Variants in CDKL4 observed in about 807,000 individuals in gnomAD.
The protein encoded by CDKL4 is cyclin dependent kinase like 4.
Under a neutral mutation model 42.0 loss-of-function variants are expected in CDKL4, and 44 were observed. The observed-to-expected ratio is 1.05, with a 90% CI of 0.82 to 1.35. The LOEUF (loss-of-function observed/expected upper bound fraction) is 1.35, where lower values mean the gene tolerates loss of function less well. CDKL4 is among the 40% of genes most tolerant of loss of function. CDKL4 has a pLI of 0.00. For synonymous variants in CDKL4, 120 were observed against 121.6 expected (o/e 0.99, Z 0.09); for missense variants, 393 against 369.9 (o/e 1.06, Z -0.51).
chr2:39,186,916 C>A (rs1675861761), intron 7 of CDKL4, among the ~76,000 whole-genome samples: 1 of 152,058 alleles, frequency 6.6e-6, no homozygotes, highest in South Asian at 2.1e-4. Context: ...ATAGATAAGA[C>A]AAGTAAACAT....
At chr2:39,176,826 G>T (rs76718362) in intron 9 of CDKL4, among the ~76,000 whole-genome samples, 1 of 152,132 alleles carries the variant, frequency 6.6e-6, no homozygotes, top group Non-Finnish European at 1.5e-5. Context: ...TAAGGAAACC[G>T]CAATGAATGA....
chr2:39,236,123 T>TA (rs1351730684), intron 1 of CDKL4, among the ~76,000 whole-genome samples: 1 of 57,346 alleles, frequency 1.7e-5, no homozygotes, highest in Admixed American at 1.8e-4. Flanking sequence ...AAAATGAAAA[T>TA]AAAAAAAAGA....
intron 9 of CDKL4, among the ~76,000 whole-genome samples, chr2:39,177,922 C>T (rs923657357): frequency 2.0e-5 from 3 of 152,160 alleles, no homozygotes; most frequent in Non-Finnish European, 2.9e-5. Flanking sequence ...CTCCTGACCT[C>T]AAGTGATCTG....
intron 4 of CDKL4, among the ~76,000 whole-genome samples, chr2:39,204,994 T>G (rs1050093581): frequency 6.6e-6 from 1 of 151,360 alleles, no homozygotes; most frequent in Non-Finnish European, 1.5e-5. Context: ...CCCTGGGCAA[T>G]GCAATGAGAC....
At chr2:39,210,980 CT>C (rs1398405537) in intron 4 of CDKL4, among the ~76,000 whole-genome samples, 4 of 152,208 alleles carry the variant, frequency 2.6e-5, no homozygotes, top group Non-Finnish European at 4.4e-5. Flanking sequence ...CTTGTACTTT[CT>C]TTTTCAGCAA....
intron 3 of CDKL4, 69 bp downstream of exon 3, chr2:39,225,770 C>A: frequency 2.1e-6 from 3 of 1,459,666 alleles, no homozygotes; most frequent in South Asian, 1.4e-5. Context: ...TGAAATTTGC[C>A]ATGGTTAATT....
exon 10 of CDKL4, chr2:39,175,923 A>C: frequency 2.4e-6 from 1 of 421,774 alleles, no homozygotes; most frequent in South Asian, 1.8e-5. Flanking sequence ...CATTTGAAAC[A>C]CTGAGAATTC....
At chr2:39,208,797 A>G (rs568925607) in intron 4 of CDKL4, among the ~76,000 whole-genome samples, 5 of 151,768 alleles carry the variant, frequency 3.3e-5, no homozygotes, top group Admixed American at 2.6e-4. Flanking sequence ...ATCTCTGCAA[A>G]CTTGCACACC....
chr2:39,174,906 C>T (rs1057383683), downstream of CDKL4, among the ~76,000 whole-genome samples: 2 of 151,884 alleles, frequency 1.3e-5, no homozygotes, highest in African/African-American at 4.8e-5. Context: ...CATGTTTATA[C>T]ATATGTGTAT....
At chr2:39,244,716 C>T (rs1241452775), upstream of CDKL4, among the ~76,000 whole-genome samples, 1 of 152,258 alleles carries the variant, frequency 6.6e-6, no homozygotes, top group Non-Finnish European at 1.5e-5. Context: ...GCGGGATCCA[C>T]TTGTTGAAGC....
chr2:39,188,786 C>A (rs141503678), intron 6 of CDKL4, among the ~76,000 whole-genome samples: 2 of 152,170 alleles, frequency 1.3e-5, no homozygotes, highest in South Asian at 4.1e-4. Flanking sequence ...ATCTCCCAGT[C>A]TCAAGCAATC....
intron 3 of CDKL4, 113 bp downstream of exon 3, chr2:39,225,726 C>T: frequency 9.9e-7 from 1 of 1,007,960 alleles, no homozygotes; most frequent in Non-Finnish European, 1.4e-6. Context: ...TAGCCAGATG[C>T]ATTGTGGTAG....
chr2:39,192,418 T>A (rs548903430), intron 5 of CDKL4, among the ~76,000 whole-genome samples: 2 of 152,116 alleles, frequency 1.3e-5, no homozygotes, highest in Non-Finnish European at 2.9e-5. Context: ...TAAAATGCAG[T>A]GGCACAATCA....
upstream of CDKL4, among the ~76,000 whole-genome samples, chr2:39,246,274 CTCTTT>C (rs1679909665): frequency 2.6e-5 from 4 of 152,194 alleles, no homozygotes; most frequent in African/African-American, 4.8e-5. Context: ...TATCTCCTTC[CTCTTT>C]TGAGACCAAA....
At chr2:39,190,568 CAT>C in intron 5 of CDKL4, 66 bp from the exon 6 acceptor site, 1 of 1,370,058 alleles carries the variant, frequency 7.3e-7, no homozygotes, top group Non-Finnish European at 1.0e-6. Context: ...CCCAAGAACA[CAT>C]CAGGCATTCA....
intron 7 of CDKL4, among the ~76,000 whole-genome samples, chr2:39,185,223 TACAC>T (rs1553380958): frequency 8.9e-5 from 2 of 22,478 alleles, no homozygotes; most frequent in Admixed American, 4.6e-4. Context: ...TATACATATA[TACAC>T]ATACGTATAT....
intron 1 of CDKL4, among the ~76,000 whole-genome samples, chr2:39,241,767 C>T (rs565558677): frequency 2.0e-5 from 3 of 152,314 alleles, no homozygotes; most frequent in South Asian, 2.1e-4. Flanking sequence ...GCTATGTTAA[C>T]GACTTCCTTT....
At chr2:39,177,784 G>A (rs751634804) in intron 9 of CDKL4, among the ~76,000 whole-genome samples, 1 of 151,116 alleles carries the variant, frequency 6.6e-6, no homozygotes, top group Non-Finnish European at 1.5e-5. Context: ...TGCCTCCCGG[G>A]TTCATGCAAG....
intron 8 of CDKL4, among the ~76,000 whole-genome samples, chr2:39,183,228 G>C (rs6731330): frequency 1.3e-5 from 2 of 151,558 alleles, no homozygotes; most frequent in African/African-American, 4.9e-5. Context: ...TACAGTGAGC[G>C]GAGAACTCCA....
Sources: allele counts gnomAD v4.1 joint callset (sites outside exome capture counted in the v4.1 genomes callset), GRCh38; gene constraint gnomAD v4.1.1; transcripts MANE v1.5; gene names NCBI Gene and HGNC (gene_info 2026-07-23, HGNC 2026-07-21).